Variants in ANKFY1 observed in about 807,000 individuals in gnomAD.
ANKFY1 encodes ankyrin repeat and FYVE domain containing 1, also known as ankyrin repeat and FYVE domain-containing protein 1.
A neutral mutation model predicts 128.3 loss-of-function variants in ANKFY1; 47 were observed. That is an observed-to-expected ratio of 0.37 (90% CI 0.29 to 0.47). ANKFY1 has a LOEUF of 0.47. Among genes scored for constraint, ANKFY1 ranks in the 20% least tolerant of loss-of-function variants. ANKFY1 has a pLI of 1.00. For synonymous variants in ANKFY1, 553 were observed against 601.6 expected (o/e 0.92, Z 1.18); for missense variants, 1,222 against 1,510.6 (o/e 0.81, Z 3.17).
rs548065656 is a variant in ANKFY1 at position 4,169,433 on chromosome 17, G to A, written c.3287-145C>T. On this transcript the variant is annotated intron_variant, in intron 23 of 24. Transcript: ENST00000341657. This position sits in a 1 kb window ranked among gnomAD's most constrained non-coding sequence, Gnocchi z 5.0. ...GTGACGAAGGAGCGATAGGTTCTAAGTGGTTCAGGGCCAGCTTCCCAGAGG... is the reference window on the plus strand; with the variant it reads ...GTGACGAAGGAGCGATAGGTTCTAAATGGTTCAGGGCCAGCTTCCCAGAGG... The A allele has an allele frequency of 4.0e-5, 25 of 630,918 alleles. No individual in the cohort carries two copies. Among genetic ancestry groups the A allele is most frequent in the Non-Finnish European group, 6.9e-5 (24 of 349,100 alleles). 39.1% of individuals were successfully genotyped at this position (630,918 alleles called of 1,614,324 possible). A position where few individuals can be genotyped will look rare whatever the true frequency, so the allele number is the denominator to read the frequency against.
chr17:4,263,696 C>A lies in ANKFY1; in HGVS notation c.10+236G>T, dbSNP rs570675002. On this transcript the variant is annotated intron_variant, in intron 1 of 24. Transcript: ENST00000341657. ...ACCGGCGCGGGACCTGCCAGCCCGG[C>A]TCCGCAGCCGGCCGCAGTCCCGCGG... is the stretch of plus-strand genomic sequence containing the variant. 954 of 1,512,612 alleles carry A rather than the reference C, an allele frequency of 6.3e-4. 6 individuals are homozygous for A. In the African/African-American group the frequency reaches 0.012, roughly 19 times the overall value. The allele number at this position is 1,512,612 out of a possible 1,614,324, so 93.7% of individuals were successfully genotyped here. A position where few individuals can be genotyped will look rare whatever the true frequency, so the allele number is the denominator to read the frequency against.
At chr17:4,230,002 C>T (rs2143217540) in intron 3 of ANKFY1, among the ~76,000 whole-genome samples, 1 of 152,278 alleles carries the variant, frequency 6.6e-6, no homozygotes, top group African/African-American at 2.4e-5. Context: ...TTTTTGTGAG[C>T]ATATTCTAAA....
intron 11 of ANKFY1, chr17:4,187,038 T>C (rs1215145727): frequency 3.3e-6 from 4 of 1,226,590 alleles, no homozygotes; most frequent in Non-Finnish European, 4.1e-6. Flanking sequence ...GGGGTACAGG[T>C]GGTTTCTGGT....
Position 4,169,204 on chromosome 17 carries a change from T to C in ANKFY1, c.3371A>G (p.His1124Arg). The stretch of plus-strand genomic sequence containing the variant: ...AGTGACGCTGGGGTCTTACCAGTGG[T>C]GTTTGCGAGTGGTGACTCCGAACCT... ...TARFGVTTRK[H>R]HCRHCGRLLC... The change falls in exon 24 of 25, where the codon CAC becomes CGC. Residue 1124 changes from histidine (H) to arginine (R), a missense_variant. His to Arg is a conservative substitution (Grantham distance 29, BLOSUM62 0). Transcript: ENST00000341657. The surrounding 1 kb of genome is among the most constrained non-coding windows in gnomAD (Gnocchi z 5.0). The C allele has an allele frequency of 6.4e-7, 1 of 1,552,082 alleles. No homozygotes were observed. Among genetic ancestry groups the C allele is most frequent in the Non-Finnish European group, 8.7e-7 (1 of 1,147,202 alleles).
At position 4,169,129 on chromosome 17, in the gene ANKFY1, G is replaced by A; in HGVS notation, c.3377+69C>T. On this transcript the variant is annotated intron_variant, in intron 24 of 24. Transcript: ENST00000341657. The surrounding 1 kb of genome is among the most constrained non-coding windows in gnomAD (Gnocchi z 5.0). ...CCCAGGCAAGTTCACGGCCTGTCCTGGAGAAGGGGGGAAGCAATGACATCA... is the reference window on the plus strand; with the variant it reads ...CCCAGGCAAGTTCACGGCCTGTCCTAGAGAAGGGGGGAAGCAATGACATCA... The A allele has an allele frequency of 2.8e-6, 4 of 1,432,528 alleles. No homozygotes were observed. The highest frequency in any genetic ancestry group is 2.5e-5 in the East Asian group (1 of 39,924). The allele number at this position is 1,432,528 out of a possible 1,614,324, so 88.7% of individuals were successfully genotyped here. A position where few individuals can be genotyped will look rare whatever the true frequency, so the allele number is the denominator to read the frequency against.
intron 1 of ANKFY1, chr17:4,263,695 G>C: frequency 6.6e-7 from 1 of 1,513,932 alleles, no homozygotes; most frequent in Non-Finnish European, 8.8e-7. Flanking sequence ...TGCCAGCCCG[G>C]CTCCGCAGCC....
At chr17:4,201,314 G>C (rs894517843) in intron 7 of ANKFY1, among the ~76,000 whole-genome samples, 1 of 152,186 alleles carries the variant, frequency 6.6e-6, no homozygotes, top group African/African-American at 2.4e-5. Context: ...TGACAGGCGT[G>C]AGCCACTGCG....
chr17:4,195,022 A>T lies in ANKFY1; in HGVS notation c.1328T>A (p.Leu443His). 6.2e-7 allele frequency: 1 copy of T among 1,614,202 alleles called. No individual in the cohort carries two copies. The highest frequency in any genetic ancestry group is 8.5e-7 in the Non-Finnish European group (1 of 1,180,044). The change falls in exon 10 of 25, where the codon CTC becomes CAC. Residue 443 changes from leucine to histidine, a missense_variant. Coordinates refer to ENST00000341657, the MANE Select transcript of ANKFY1 (RefSeq NM_001330063.2). ...GTCTGTGTGGCTGCCGCGCTGGATG[A>T]GTCTGGCTGCAAAGCTGTTCTCATC... is the stretch of plus-strand genomic sequence containing the variant. ...SFDENSFAAR[L>H]IQRGSHTDAP...
rs142090933 is a variant in ANKFY1, at chr17:4,213,911, T to C, written c.458+3072A>G. Among the ~76,000 whole-genome samples, 12 of 152,300 alleles carry C rather than the reference T, an allele frequency of 7.9e-5. No individual in the cohort carries two copies. In the East Asian group the frequency reaches 2.3e-3, roughly 29 times the overall value. On this transcript the variant is annotated intron_variant, in intron 4 of 24. Transcript: ENST00000341657. ...TTCTAAGCCTCAGTTTTCTGTACCA[T>C]TGGTTTCTCCAAACCTGTAGCACAC...
At chr17:4,211,350 C>CT (rs2060126814) in intron 4 of ANKFY1, among the ~76,000 whole-genome samples, 1 of 149,302 alleles carries the variant, frequency 6.7e-6, no homozygotes, top group Admixed American at 6.7e-5. Flanking sequence ...TGAGCTGAGA[C>CT]GGTGCCACTG....
chr17:4,204,975 T>A (rs1053280542), intron 7 of ANKFY1, among the ~76,000 whole-genome samples: 6 of 152,218 alleles, frequency 3.9e-5, no homozygotes, highest in Non-Finnish European at 5.9e-5. Flanking sequence ...ACATGGCTTA[T>A]AAGGATACTT....
intron 7 of ANKFY1, among the ~76,000 whole-genome samples, chr17:4,202,957 G>C (rs1355229648): frequency 6.9e-6 from 1 of 145,436 alleles, no homozygotes; most frequent in Non-Finnish European, 1.5e-5. Context: ...CAAATATAAA[G>C]TTCTTTTTAC....
intron 3 of ANKFY1, among the ~76,000 whole-genome samples, chr17:4,224,769 C>A: frequency 6.6e-6 from 1 of 151,774 alleles, no homozygotes. Context: ...TTTCTGTGAA[C>A]CAGAAGTGGT....
chr17:4,215,463 C>G (rs1057181698), intron 4 of ANKFY1, among the ~76,000 whole-genome samples: 1 of 152,152 alleles, frequency 6.6e-6, no homozygotes, highest in Non-Finnish European at 1.5e-5. Flanking sequence ...CTGCTTCACA[C>G]TGAACCGCAC....
chr17:4,223,820 CT>C lies in ANKFY1; in HGVS notation c.323-6703del, dbSNP rs2060371310. 71 of 1,369,288 alleles carry C rather than the reference CT, an allele frequency of 5.2e-5. 1 individual carries two copies. The South Asian group carries it at 8.5e-4, about 16-fold the overall frequency. The allele number at this position is 1,369,288 out of a possible 1,614,324, so 84.8% of individuals were successfully genotyped here. ...CACAGTTTCATGCAGGCCTGGGGGC[CT>C]ACGTCTGACTCTTCTCTCGCAATCC... On this transcript the variant is annotated intron_variant, in intron 3 of 24. Transcript: ENST00000341657.
chr17:4,184,088 A>C (rs1178355496), intron 12 of ANKFY1, among the ~76,000 whole-genome samples, 178 bp from the exon 13 acceptor site: 1 of 152,208 alleles, frequency 6.6e-6, no homozygotes, highest in East Asian at 1.9e-4. Flanking sequence ...TTTGGAGCAA[A>C]ACTTACAGGG....
At chr17:4,217,634 T>C (rs527856476) in intron 3 of ANKFY1, among the ~76,000 whole-genome samples, 11 of 152,256 alleles carry the variant, frequency 7.2e-5, no homozygotes, top group Non-Finnish European at 1.2e-4. Context: ...ACTAAAGATA[T>C]GTCGAATAAA....
chr17:4,244,652 T>A (rs1967436074), intron 1 of ANKFY1, among the ~76,000 whole-genome samples: 1 of 152,098 alleles, frequency 6.6e-6, no homozygotes, highest in Non-Finnish European at 1.5e-5. Context: ...AAAACTGAGC[T>A]ACTGCCAATA....
intron 22 of ANKFY1, 119 bp downstream of exon 22, chr17:4,172,437 C>A: frequency 7.2e-7 from 1 of 1,394,066 alleles, no homozygotes; most frequent in East Asian, 2.3e-5. Context: ...CCCGGAGGGC[C>A]CAACAGAACT....
Sources: allele counts gnomAD v4.1 joint callset (sites outside exome capture counted in the v4.1 genomes callset), GRCh38; gene constraint gnomAD v4.1.1; non-coding constraint Gnocchi (gnomAD v3.1); transcripts MANE v1.5; gene names NCBI Gene and HGNC (gene_info 2026-07-23, HGNC 2026-07-21).